Variants in SLC6A13 observed in about 807,000 individuals in gnomAD.
The protein encoded by SLC6A13 is solute carrier family 6 member 13, also known as sodium- and chloride-dependent GABA transporter 2.
SLC6A13 carries 69 observed loss-of-function variants against 72.9 expected under a neutral mutation model. That is an observed-to-expected ratio of 0.95 (90% CI 0.78 to 1.16). The LOEUF is 1.16. Among genes scored for constraint, SLC6A13 ranks in the 50% most tolerant of loss-of-function variants. SLC6A13 has a pLI of 0.00. For synonymous variants in SLC6A13, 303 were observed against 303.0 expected, an observed-to-expected ratio of 1.00 and a Z score of 0.00; for missense variants, 735 against 760.5, an observed-to-expected ratio of 0.97 and a Z score of 0.39.
chr12:238,635 G>A (rs1419506650), intron 4 of SLC6A13, among the ~76,000 whole-genome samples: 4 of 152,128 alleles, frequency 2.6e-5, no homozygotes, highest in African/African-American at 9.7e-5. Context: ...ACTTTTTTAG[G>A]TTTGATAAAT....
At chr12:247,627 A>G (rs1942399896) in intron 2 of SLC6A13, among the ~76,000 whole-genome samples, 1 of 152,228 alleles carries the variant, frequency 6.6e-6, no homozygotes, top group South Asian at 2.1e-4. Flanking sequence ...AAATGATATC[A>G]CCAGATAGAA....
At chr12:252,823 T>C (rs1373040468) in intron 2 of SLC6A13, among the ~76,000 whole-genome samples, 1 of 152,242 alleles carries the variant, frequency 6.6e-6, no homozygotes, top group South Asian at 2.1e-4. Flanking sequence ...TGTTTAACTC[T>C]GGGCCCCGTG....
chr12:224,302 C>G (rs1941347946), intron 10 of SLC6A13, 99 bp downstream of exon 10: 11 of 1,345,826 alleles, frequency 8.2e-6, no homozygotes, highest in Middle Eastern at 1.8e-4. Flanking sequence ...CCTGTGTCCC[C>G]AAAAGGGCAT....
intron 7 of SLC6A13, among the ~76,000 whole-genome samples, chr12:231,589 C>T (rs1459673516): frequency 6.6e-6 from 1 of 152,186 alleles, no homozygotes; most frequent in Non-Finnish European, 1.5e-5. Context: ...GGCACTTGAG[C>T]CATCCCCCTC....
At position 259,980 on chromosome 12, in the gene SLC6A13, C is replaced by T. The variant is rs1206127608; in HGVS notation, c.73G>A (p.Glu25Lys). 9.3e-6 allele frequency: 15 copies of T among 1,614,222 alleles called. No individual in the cohort carries two copies. Among genetic ancestry groups the T allele is most frequent in the Non-Finnish European group, 1.3e-5 (15 of 1,180,038 alleles). ...CCCCGCTCCAGGGTGCCATCTTCCT[C>T]CTTCTTTTCCATGACTGGATACACT... ...KPVYPVMEKK[E>K]EDGTLERGHW... The change falls in exon 2 of 15, where the codon GAG becomes AAG. Residue 25 changes from glutamate (E) to lysine (K), a missense_variant. Coordinates refer to ENST00000343164, the MANE Select transcript of SLC6A13 (RefSeq NM_016615.5).
At chr12:247,357 G>A (rs1296520735) in intron 2 of SLC6A13, among the ~76,000 whole-genome samples, 1 of 152,062 alleles carries the variant, frequency 6.6e-6, no homozygotes, top group Admixed American at 6.6e-5. Context: ...CGACACATAT[G>A]TACAGACAAA....
chr12:234,076 G>A (rs1174354296), intron 7 of SLC6A13, among the ~76,000 whole-genome samples: 1 of 152,182 alleles, frequency 6.6e-6, no homozygotes, highest in Admixed American at 6.5e-5. Context: ...GATGGCAACA[G>A]AAGTGAACTC....
intron 14 of SLC6A13, 42 bp downstream of exon 14, chr12:221,334 T>G: frequency 6.5e-7 from 1 of 1,540,600 alleles, no homozygotes; most frequent in Non-Finnish European, 8.8e-7. Context: ...CTGCGAAGCC[T>G]CCCAGCCCCT....
intron 1 of SLC6A13, among the ~76,000 whole-genome samples, chr12:260,598 A>G (rs1308544123): frequency 6.6e-6 from 1 of 152,250 alleles, no homozygotes; most frequent in African/African-American, 2.4e-5. Flanking sequence ...AAGTACATAA[A>G]TTGTCAAAAA....
intron 2 of SLC6A13, among the ~76,000 whole-genome samples, chr12:250,413 C>T (rs560166778): frequency 6.6e-6 from 1 of 151,826 alleles, no homozygotes; most frequent in Non-Finnish European, 1.5e-5. Context: ...CAAAAAAAAA[C>T]CTATTAGAAC....
intron 11 of SLC6A13, chr12:223,628 C>A: frequency 3.1e-6 from 1 of 326,372 alleles, no homozygotes; most frequent in South Asian, 4.5e-5. Context: ...GAATGTCACC[C>A]AGCCCCAGGC....
intron 7 of SLC6A13, among the ~76,000 whole-genome samples, chr12:229,413 G>A (rs1452182943): frequency 6.6e-6 from 1 of 152,188 alleles, no homozygotes; most frequent in Non-Finnish European, 1.5e-5. Flanking sequence ...CACAGCTCCT[G>A]CAAAGATAGT....
At position 260,030 on chromosome 12, in the gene SLC6A13, G is replaced by T. The variant is rs774804369; in HGVS notation, c.23C>A (p.Thr8Lys). ...TGGTTTTGTCTCTCCATTACTGGTTGTGCCTGAGACCCTGCTATCCATCCC... is the reference window on the plus strand; with the variant it reads ...TGGTTTTGTCTCTCCATTACTGGTTTTGCCTGAGACCCTGCTATCCATCCC... MDSRVSG[T>K]TSNGETKPVY... The change falls in exon 2 of 15, where the codon ACA (threonine) becomes AAA (lysine). Residue 8 changes from threonine to lysine, a missense_variant. Coordinates refer to ENST00000343164, the MANE Select transcript of SLC6A13 (RefSeq NM_016615.5). 2.1e-5 allele frequency: 34 copies of T among 1,613,924 alleles called. No homozygotes were observed. In the South Asian group the frequency reaches 3.4e-4, roughly 16 times the overall value.
intron 2 of SLC6A13, among the ~76,000 whole-genome samples, chr12:251,710 TG>T (rs1942555513): frequency 6.6e-6 from 1 of 152,044 alleles, no homozygotes; most frequent in Non-Finnish European, 1.5e-5. Context: ...CCCAGCACTT[TG>T]GGAGGCCAAG....
chr12:262,255 A>G (rs1452814756), intron 1 of SLC6A13, among the ~76,000 whole-genome samples: 1 of 152,230 alleles, frequency 6.6e-6, no homozygotes, highest in Non-Finnish European at 1.5e-5. Flanking sequence ...CATGAGCTGT[A>G]GAGTCAGATG....
At chr12:228,602 T>G (rs913124300) in intron 7 of SLC6A13, among the ~76,000 whole-genome samples, 1 of 152,060 alleles carries the variant, frequency 6.6e-6, no homozygotes, top group Non-Finnish European at 1.5e-5. Context: ...CTTTCATCAC[T>G]CTCTTCCGCT....
chr12:259,610 C>CTTG (rs1942861415), intron 2 of SLC6A13: 2 of 1,418,412 alleles, frequency 1.4e-6, no homozygotes, highest in Admixed American at 5.7e-5. Flanking sequence ...TCTCATCCAC[C>CTTG]TGGTTCCAGC....
chr12:244,644 T>G (rs1942285687), intron 2 of SLC6A13, among the ~76,000 whole-genome samples: 1 of 152,114 alleles, frequency 6.6e-6, no homozygotes, highest in South Asian at 2.1e-4. Flanking sequence ...GAGCTGTGAT[T>G]GTGCCACTGC....
intron 8 of SLC6A13, chr12:226,798 G>A (rs996885528): frequency 1.7e-5 from 5 of 290,220 alleles, no homozygotes; most frequent in South Asian, 4.2e-5. Context: ...GTGACAAACC[G>A]CCACACAGCC....
Sources: allele counts gnomAD v4.1 joint callset (sites outside exome capture counted in the v4.1 genomes callset), GRCh38; gene constraint gnomAD v4.1.1; transcripts MANE v1.5; gene names NCBI Gene and HGNC (gene_info 2026-07-23, HGNC 2026-07-21).